The following CACNA1S variants were observed in gnomAD, a reference collection of about 807,000 sequenced individuals.
The protein encoded by CACNA1S is voltage-dependent L-type calcium channel subunit alpha-1S.
In CACNA1S, 126 loss-of-function variants were observed where a neutral mutation model predicts 207.4. The ratio of observed to expected loss-of-function variants is 0.61; its 90% CI spans 0.53 to 0.70. CACNA1S has a LOEUF of 0.70. Among genes scored for constraint, CACNA1S ranks in the 30% least tolerant of loss-of-function variants. The pLI, the probability that CACNA1S is intolerant of heterozygous loss-of-function variation, is 0.00. For synonymous variants in CACNA1S, 960 were observed against 932.7 expected, an observed-to-expected ratio of 1.03 and a Z score of -0.53; for missense variants, 2,349 against 2,422.8, an observed-to-expected ratio of 0.97 and a Z score of 0.64.
Position 201,091,724 on chromosome 1 carries a change from G to C in CACNA1S, c.610C>G (p.Leu204Val), listed in dbSNP as rs753823016. ...ATGGCATAGATGATGACCATAAAGA[G>C]GACCAGCAGGGCGATGTGAAAGAGG... ...LPLFHIALLV[L>V]FMVIIYAIIG... Residue 204 changes from leucine (L) to valine (V), a missense_variant, in exon 5 of 44, where the codon CTC (leucine) becomes GTC (valine). By Grantham distance (32) the Leu-to-Val change is conservative. Coordinates refer to ENST00000362061, the MANE Select transcript of CACNA1S (RefSeq NM_000069.3). The C allele has an allele frequency of 1.9e-6, 3 of 1,614,102 alleles. No individual in the cohort carries two copies. Among genetic ancestry groups the C allele is most frequent in the Non-Finnish European group, 2.5e-6 (3 of 1,179,934 alleles).
chr1:201,106,105 T>C (rs1662872231), intron 2 of CACNA1S, among the ~76,000 whole-genome samples: 1 of 152,074 alleles, frequency 6.6e-6, no homozygotes, highest in Non-Finnish European at 1.5e-5. Context: ...TAAGTGATAC[T>C]GCCATCTGCT....
rs376831745 is a variant in CACNA1S, at chr1:201,096,105, C to T, written c.259-2084G>A. On this transcript the variant is annotated intron_variant, in intron 2 of 43. Transcript: ENST00000362061. ...GCGGCCAGCCATGAACACCGGAGAA[C>T]TGCCTGCACCTGCCACTGCCTGTCT... Among the ~76,000 whole-genome samples, 35 of 152,370 alleles carry T rather than the reference C, an allele frequency of 2.3e-4. No homozygotes were observed. In the East Asian group the frequency reaches 4.6e-3, roughly 20 times the overall value.
At chr1:201,040,980 C>T (rs1289607015) in intron 41 of CACNA1S, among the ~76,000 whole-genome samples, 1 of 152,204 alleles carries the variant, frequency 6.6e-6, no homozygotes, top group African/African-American at 2.4e-5. Context: ...CCAAGCTGGT[C>T]CTCTGTGGTC....
chr1:201,072,756 T>C lies in CACNA1S; in HGVS notation c.2226A>G (p.Pro742=), dbSNP rs1267324871. 2.5e-6 allele frequency: 4 copies of C among 1,612,478 alleles called. No homozygotes were observed. The highest frequency in any genetic ancestry group is 1.7e-5 in the Admixed American group (1 of 60,012). ...CAGTCCAGTCTCCAGCATCCTCACC[T>C]GGGAAGTCGGCTGAGGGGTAGGGAT... ...VKDPYPSADF[P]GDDEEDEPEI... is the part of the protein sequence containing the mutation. Residue 742 remains proline (P), a splice_region_variant and synonymous_variant, in exon 16 of 44, where the codon CCA becomes CCG. Coordinates refer to ENST00000362061, the MANE Select transcript of CACNA1S (RefSeq NM_000069.3).
intron 32 of CACNA1S, among the ~76,000 whole-genome samples, 169 bp downstream of exon 32, chr1:201,052,388 G>T (rs987644450): frequency 6.6e-6 from 1 of 152,192 alleles, no homozygotes; most frequent in East Asian, 1.9e-4. Flanking sequence ...CTTCAAGGCA[G>T]TGACGGCAGA....
In CACNA1S at chr1:201,061,468, C is replaced by T. The variant is rs141956714; in HGVS notation, c.3054G>A (p.Gln1018=). ...FTVSTFEGWP[Q]LLYKAIDSNA... is the part of the protein sequence containing the mutation. ...TGGAGTCTATGGCCTTGTACAGCAG[C>T]CTGGGGGTGGGCAGAGAAGAGAGGA... Residue 1018 remains glutamine (Q), a splice_region_variant and synonymous_variant, in exon 25 of 44, where the codon CAG becomes CAA. Transcript: ENST00000362061. The T allele has an allele frequency of 3.1e-6, 5 of 1,613,376 alleles. No homozygotes were observed. The highest frequency in any genetic ancestry group is 4.2e-6 in the Non-Finnish European group (5 of 1,179,366).
At chr1:201,071,319 G>A (rs551151634) in intron 16 of CACNA1S, among the ~76,000 whole-genome samples, 8 of 152,050 alleles carry the variant, frequency 5.3e-5, no homozygotes, top group South Asian at 4.2e-4. Context: ...CTGTTCCCCC[G>A]AGAAGCTAGA....
In CACNA1S at chr1:201,098,898, T is replaced by C. The variant is rs79485028; in HGVS notation, c.259-4877A>G. Among the ~76,000 whole-genome samples the C allele has an allele frequency of 3.2e-3, 487 of 152,332 alleles. 13 individuals carry two copies. The East Asian group carries it at 0.078, about 24-fold the overall frequency. The stretch of plus-strand genomic sequence containing the variant: ...ATCCTTCCATAGACAAGCCTCTAAC[T>C]GGTGCTCCCTGGGGCCAAACTTAGC... On this transcript the variant is annotated intron_variant, in intron 2 of 43. Transcript: ENST00000362061.
At chr1:201,043,584 G>C in intron 39 of CACNA1S, 53 bp from the exon 40 acceptor site, 1 of 1,547,800 alleles carries the variant, frequency 6.5e-7, no homozygotes, top group Non-Finnish European at 8.9e-7. Flanking sequence ...GAGGGCATGG[G>C]GGGCTGTCAC....
At chr1:201,100,115 C>G (rs928922659) in intron 2 of CACNA1S, among the ~76,000 whole-genome samples, 6 of 152,208 alleles carry the variant, frequency 3.9e-5, no homozygotes, top group African/African-American at 1.4e-4. Context: ...TGCAGTGATC[C>G]CTCTCCATCC....
chr1:201,099,459 T>C (rs1662560701), intron 2 of CACNA1S, among the ~76,000 whole-genome samples: 1 of 152,234 alleles, frequency 6.6e-6, no homozygotes. Context: ...GCCTGTCACC[T>C]GGGCCTGAAA....
At position 201,061,250 on chromosome 1, in the gene CACNA1S, G is replaced by T; in HGVS notation, c.3255+17C>A. On this transcript the variant is annotated intron_variant, in intron 25 of 43. Coordinates refer to ENST00000362061, the MANE Select transcript of CACNA1S (RefSeq NM_000069.3). ...GCTGGAGCTCTGCCCTCCACCTCTG[G>T]CAGGCAGCCCAGGCACCTGGTTCTT... is the stretch of plus-strand genomic sequence containing the variant. 6.2e-7 allele frequency: 1 copy of T among 1,611,260 alleles called. No homozygotes were observed. Among genetic ancestry groups the T allele is most frequent in the South Asian group, 1.1e-5 (1 of 91,016 alleles).
In CACNA1S at chr1:201,061,381, G is replaced by A; in HGVS notation, c.3141C>T (p.Ile1047=). The A allele has an allele frequency of 6.2e-7, 1 of 1,614,202 alleles. No individual in the cohort carries two copies. The highest frequency in any genetic ancestry group is 8.5e-7 in the Non-Finnish European group (1 of 1,180,006). ...TGAAGAAGGCAATGAGGATGATGTA[G>A]ATGATGAAGAAGATGGCCATCTCCA... ...NRVEMAIFFI[I]YIILIAFFMM... is the part of the protein sequence containing the mutation. Residue 1047 remains isoleucine (I), a synonymous_variant, in exon 25 of 44, where the codon ATC becomes ATT. Transcript: ENST00000362061.
At position 201,073,692 on chromosome 1, in the gene CACNA1S, T is replaced by C. The variant is rs745970899; in HGVS notation, c.2064-50A>G. 126 of 1,431,044 alleles carry C rather than the reference T, an allele frequency of 8.8e-5. 1 individual carries two copies. The South Asian group carries it at 1.4e-3, about 16-fold the overall frequency. 88.6% of individuals were successfully genotyped at this position (1,431,044 alleles called of 1,614,324 possible). On this transcript the variant is annotated intron_variant, in intron 14 of 43. Coordinates refer to ENST00000362061, the MANE Select transcript of CACNA1S (RefSeq NM_000069.3). ...AGCCAAACCAGAAAGTTCTCAGGGA[T>C]CTGCTGAACCTGACAACACCTTCAG...
intron 2 of CACNA1S, among the ~76,000 whole-genome samples, chr1:201,105,042 A>G (rs542762963): frequency 6.8e-4 from 104 of 152,382 alleles, no homozygotes; most frequent in African/African-American, 2.4e-3. Context: ...ATTGAATGTC[A>G]TTGTTGCTGC....
chr1:201,097,308 C>T (rs1414112269), intron 2 of CACNA1S, among the ~76,000 whole-genome samples: 4 of 152,176 alleles, frequency 2.6e-5, no homozygotes, highest in East Asian at 3.9e-4. Context: ...AATCCAAATG[C>T]GTTTCCGTGG....
At chr1:201,099,848 G>C (rs1194066124) in intron 2 of CACNA1S, among the ~76,000 whole-genome samples, 1 of 152,204 alleles carries the variant, frequency 6.6e-6, no homozygotes, top group Non-Finnish European at 1.5e-5. Context: ...GTTTGTGGCA[G>C]GGCCCCAGGC....
At chr1:201,067,506 C>G (rs1003007781) in intron 19 of CACNA1S, among the ~76,000 whole-genome samples, 6 of 152,334 alleles carry the variant, frequency 3.9e-5, no homozygotes, top group African/African-American at 1.4e-4. Flanking sequence ...TCTCCCATGC[C>G]TTTGCACAAA....
At chr1:201,057,837 T>C (rs781411795) in intron 28 of CACNA1S, among the ~76,000 whole-genome samples, 36 of 152,280 alleles carry the variant, frequency 2.4e-4, no homozygotes, top group Non-Finnish European at 4.3e-4. Flanking sequence ...AGTAGGACTC[T>C]AATCCTCCCA....
Sources: gnomAD v4.1 joint callset for allele counts (sites outside exome capture counted in the v4.1 genomes callset) on GRCh38, gnomAD v4.1.1 for gene constraint, MANE v1.5 for transcripts, NCBI Gene and HGNC (gene_info 2026-07-23, HGNC 2026-07-21) for gene names.